The following LTBP1 variants were observed in gnomAD, a reference collection of about 807,000 sequenced individuals.
LTBP1 encodes latent-transforming growth factor beta-binding protein 1.
In LTBP1, 129 loss-of-function variants were observed where a neutral mutation model predicts 207.6. The observed-to-expected ratio is 0.62, with a 90% CI of 0.54 to 0.72. The LOEUF (loss-of-function observed/expected upper bound fraction) is 0.72. LTBP1 is among the 30% of genes least tolerant of loss of function. The probability of loss-of-function intolerance (pLI) is 0.00; values close to 1 mark genes in which losing one functional copy is unlikely to be tolerated. For synonymous variants in LTBP1, 963 were observed against 833.7 expected (o/e 1.16, Z -2.67); for missense variants, 2,281 against 2,217.2 (o/e 1.03, Z -0.58).
At chr2:33,036,372 G>C (rs1436445765) in intron 3 of LTBP1, among the ~76,000 whole-genome samples, 3 of 152,044 alleles carry the variant, frequency 2.0e-5, no homozygotes, top group East Asian at 3.8e-4. Flanking sequence ...CATTATGTCA[G>C]TATACTACAA....
At chr2:33,054,917 A>G (rs1056832250) in intron 3 of LTBP1, among the ~76,000 whole-genome samples, 1 of 152,178 alleles carries the variant, frequency 6.6e-6, no homozygotes, top group Non-Finnish European at 1.5e-5. Flanking sequence ...TTGCCTCGGC[A>G]TAGTGGACAT....
At chr2:33,245,130 T>C (rs967007930) in intron 10 of LTBP1, among the ~76,000 whole-genome samples, 2 of 152,288 alleles carry the variant, frequency 1.3e-5, no homozygotes, top group East Asian at 3.9e-4. Flanking sequence ...TCCACCCGCC[T>C]CAGCCTCCCA....
intron 5 of LTBP1, among the ~76,000 whole-genome samples, chr2:33,147,265 C>T (rs1303151113): frequency 6.6e-6 from 1 of 152,166 alleles, no homozygotes; most frequent in Admixed American, 6.5e-5. Context: ...TTATACTTAG[C>T]TTTGGTGGAG....
chr2:32,987,998 G>A (rs371237406), intron 2 of LTBP1, among the ~76,000 whole-genome samples: 4 of 152,332 alleles, frequency 2.6e-5, no homozygotes, highest in African/African-American at 7.2e-5. Flanking sequence ...TACCCACAGA[G>A]GTGGTAAAGG....
intron 5 of LTBP1, among the ~76,000 whole-genome samples, chr2:33,171,521 C>A (rs1572964021): frequency 6.6e-6 from 1 of 151,178 alleles, no homozygotes; most frequent in Non-Finnish European, 1.5e-5. Flanking sequence ...AAGACCAAAT[C>A]TACGTCTGAT....
intron 3 of LTBP1, among the ~76,000 whole-genome samples, chr2:33,074,608 G>A (rs1469636227): frequency 6.6e-6 from 1 of 152,112 alleles, no homozygotes; most frequent in Admixed American, 6.5e-5. Context: ...AGTGGCTCAC[G>A]CCTGTAATTC....
intron 7 of LTBP1, among the ~76,000 whole-genome samples, chr2:33,210,051 T>G (rs1227907020): frequency 6.6e-6 from 1 of 152,260 alleles, no homozygotes; most frequent in Non-Finnish European, 1.5e-5. Context: ...TTTACCCAGT[T>G]GTGGGTCATC....
intron 1 of LTBP1, 31 bp downstream of exon 1, chr2:32,947,849 C>G: frequency 7.8e-7 from 1 of 1,278,192 alleles, no homozygotes; most frequent in Non-Finnish European, 9.9e-7. Flanking sequence ...GCCCGCCCGC[C>G]CGCCTCGCGC....
chr2:32,994,902 C>G (rs1685013922), intron 2 of LTBP1, among the ~76,000 whole-genome samples: 1 of 152,190 alleles, frequency 6.6e-6, no homozygotes, highest in South Asian at 2.1e-4. Context: ...TCTTTTAAAG[C>G]TCTTCAGCTG....
intron 31 of LTBP1, among the ~76,000 whole-genome samples, chr2:33,385,514 C>A (rs2095257978): frequency 6.6e-6 from 1 of 152,132 alleles, no homozygotes; most frequent in African/African-American, 2.4e-5. Flanking sequence ...AAAATAGTTT[C>A]ACAACATTAT....
At chr2:32,983,929 T>G (rs190754090) in intron 2 of LTBP1, among the ~76,000 whole-genome samples, 125 of 152,362 alleles carry the variant, frequency 8.2e-4, no homozygotes, top group Admixed American at 1.4e-3. Flanking sequence ...TTTATTCAAG[T>G]CTTAAGTTAG....
chr2:33,369,392 A>T (rs2095039928), intron 31 of LTBP1, among the ~76,000 whole-genome samples: 1 of 152,146 alleles, frequency 6.6e-6, no homozygotes, highest in African/African-American at 2.4e-5. Flanking sequence ...CCTCCAGCAT[A>T]CACATTCATT....
intron 3 of LTBP1, among the ~76,000 whole-genome samples, chr2:33,099,096 A>G (rs1010943541): frequency 2.0e-5 from 3 of 152,230 alleles, no homozygotes; most frequent in Admixed American, 2.0e-4. Context: ...TTAGGGGAAA[A>G]AAACCCTCCA....
chr2:33,377,386 G>T (rs562772779), intron 31 of LTBP1, among the ~76,000 whole-genome samples: 3 of 152,348 alleles, frequency 2.0e-5, no homozygotes, highest in Middle Eastern at 3.4e-3. Context: ...GGCGAGAGAA[G>T]TTTGATTAAT....
At chr2:33,065,658 A>G (rs554979855) in intron 3 of LTBP1, among the ~76,000 whole-genome samples, 1 of 152,098 alleles carries the variant, frequency 6.6e-6, no homozygotes, top group Non-Finnish European at 1.5e-5. Context: ...TTTTCCATAT[A>G]TGTTGATGAG....
Position 33,303,649 on chromosome 2 carries a change from C to T in LTBP1, c.3481+2005C>T, listed in dbSNP as rs181095584. 3.0e-3 allele frequency among the ~76,000 whole-genome samples: 455 copies of T among 152,240 alleles called. 1 individual carries two copies. The highest frequency in any genetic ancestry group is 0.011 in the African/African-American group (441 of 41,560). On this transcript the variant is annotated intron_variant, in intron 22 of 33. Coordinates refer to ENST00000404816, the MANE Select transcript of LTBP1 (RefSeq NM_206943.4). ...ACAGGCGTGAGCCACCGCACCTGGC[C>T]TGCATTGGTTAGATTCTCATAAGGA...
intron 3 of LTBP1, among the ~76,000 whole-genome samples, chr2:33,034,043 A>G (rs1023328375): frequency 2.0e-5 from 3 of 152,070 alleles, no homozygotes; most frequent in Admixed American, 6.6e-5. Context: ...TGCATCATTC[A>G]CCGTCCTAAT....
intron 10 of LTBP1, among the ~76,000 whole-genome samples, chr2:33,246,291 T>C (rs756660510): frequency 3.9e-5 from 6 of 152,194 alleles, no homozygotes; most frequent in African/African-American, 9.6e-5. Context: ...GGATTTGCGA[T>C]TTGAACCAGT....
chr2:32,959,060 C>T (rs897552284), intron 2 of LTBP1, among the ~76,000 whole-genome samples: 14 of 152,168 alleles, frequency 9.2e-5, no homozygotes, highest in Admixed American at 9.2e-4. Flanking sequence ...TTTACTCCAC[C>T]ACATTTGAGT....
Sources: allele counts gnomAD v4.1 joint callset (sites outside exome capture counted in the v4.1 genomes callset), GRCh38; gene constraint gnomAD v4.1.1; transcripts MANE v1.5; gene names NCBI Gene and HGNC (gene_info 2026-07-23, HGNC 2026-07-21).